The following CKAP5 variants were observed in gnomAD, a reference collection of about 807,000 sequenced individuals.
The protein encoded by CKAP5 is cytoskeleton associated protein 5, also known as cytoskeleton-associated protein 5.
Under a neutral mutation model 232.8 loss-of-function variants are expected in CKAP5, and 27 were observed. The ratio of observed to expected loss-of-function variants is 0.12; its 90% CI spans 0.09 to 0.16. CKAP5 has a LOEUF of 0.16. CKAP5 is among the 10% of genes least tolerant of loss of function. The pLI, the probability that CKAP5 is intolerant of heterozygous loss-of-function variation, is 1.00. For missense variants in CKAP5, 1,838 were observed against 2,424.7 expected, an observed-to-expected ratio of 0.76 and a Z score of 5.08; for synonymous variants, 785 against 841.1, an observed-to-expected ratio of 0.93 and a Z score of 1.16.
intron 42 of CKAP5, among the ~76,000 whole-genome samples, chr11:46,746,181 C>T (rs888143097): frequency 1.3e-5 from 2 of 152,106 alleles, no homozygotes; most frequent in Non-Finnish European, 2.9e-5. Context: ...TCACTAAACT[C>T]GGAAAGAACT....
rs1938868593 is a variant in CKAP5 at position 46,796,153 on chromosome 11, A to C, written c.1468-377T>G. ...GCACTCCAGCCTGGGTGACAGAGTG[A>C]GATTCATTGCCAAAAAAAAAAAAAA... On this transcript the variant is annotated intron_variant, in intron 12 of 43. Coordinates refer to ENST00000529230, the MANE Select transcript of CKAP5 (RefSeq NM_001008938.4). Among the ~76,000 whole-genome samples, 3 of 119,130 alleles carry C rather than the reference A, an allele frequency of 2.5e-5. No individual in the cohort carries two copies. The South Asian group carries it at 1.0e-3, about 41-fold the overall frequency. 78.2% of individuals were successfully genotyped at this position (119,130 alleles called of 152,430 possible).
At chr11:46,814,131 C>CAAAA (rs60142188) in intron 4 of CKAP5, among the ~76,000 whole-genome samples, 1 of 81,266 alleles carries the variant, frequency 1.2e-5, no homozygotes, top group African/African-American at 5.0e-5. Flanking sequence ...GACCTTGTCT[C>CAAAA]AAAAAAAAAA....
At chr11:46,782,688 T>C (rs2065354497) in intron 18 of CKAP5, among the ~76,000 whole-genome samples, 1 of 152,234 alleles carries the variant, frequency 6.6e-6, no homozygotes. Flanking sequence ...CCAAATTACT[T>C]AAACTTTCTG....
chr11:46,766,727 A>C (rs2065205432), intron 27 of CKAP5, among the ~76,000 whole-genome samples: 1 of 152,220 alleles, frequency 6.6e-6, no homozygotes, highest in African/African-American at 2.4e-5. Context: ...ATCTTGATAG[A>C]GATAATGACA....
At chr11:46,803,827 A>G (rs1939091968) in intron 8 of CKAP5, among the ~76,000 whole-genome samples, 1 of 152,166 alleles carries the variant, frequency 6.6e-6, no homozygotes, top group African/African-American at 2.4e-5. Flanking sequence ...TCATTTCTGT[A>G]TTGAAATCAC....
chr11:46,776,697 T>G (rs1431151537), intron 23 of CKAP5, among the ~76,000 whole-genome samples: 1 of 152,170 alleles, frequency 6.6e-6, no homozygotes, highest in Non-Finnish European at 1.5e-5. Flanking sequence ...GTTGGGGGCA[T>G]TTACGTCCAT....
At chr11:46,748,019 G>A (rs572608321) in intron 42 of CKAP5, among the ~76,000 whole-genome samples, 2 of 152,270 alleles carry the variant, frequency 1.3e-5, no homozygotes, top group African/African-American at 4.8e-5. Context: ...ACTCCAGCCT[G>A]AGTGAGAGAG....
intron 20 of CKAP5, among the ~76,000 whole-genome samples, chr11:46,779,429 G>A (rs572869765): frequency 2.8e-4 from 42 of 152,176 alleles, no homozygotes; most frequent in African/African-American, 3.9e-4. Flanking sequence ...CACCAAGCCC[G>A]GCCAAAATCA....
intron 13 of CKAP5, among the ~76,000 whole-genome samples, chr11:46,791,857 T>C (rs1365002561): frequency 6.6e-6 from 1 of 152,216 alleles, no homozygotes; most frequent in Non-Finnish European, 1.5e-5. Flanking sequence ...ATATTTGTTA[T>C]GAAATGCCCC....
At chr11:46,759,540 T>A (rs2134586638) in intron 33 of CKAP5, 98 bp from the exon 34 acceptor site, 1 of 1,245,886 alleles carries the variant, frequency 8.0e-7, no homozygotes, top group East Asian at 2.4e-5. Flanking sequence ...AGGACAGATG[T>A]TCAACTTCTG....
intron 16 of CKAP5, among the ~76,000 whole-genome samples, chr11:46,785,147 T>G (rs567328955): frequency 6.6e-6 from 1 of 152,314 alleles, no homozygotes; most frequent in East Asian, 1.9e-4. Context: ...CTTTTAAGTA[T>G]AAGAATAAAA....
At chr11:46,751,697 T>A (rs956453657) in intron 38 of CKAP5, among the ~76,000 whole-genome samples, 163 bp from the exon 39 acceptor site, 5 of 152,132 alleles carry the variant, frequency 3.3e-5, no homozygotes, top group African/African-American at 1.2e-4. Flanking sequence ...TGAAAATTTT[T>A]AATCACTTCT....
rs11038995 is a variant in CKAP5 at position 46,799,570 on chromosome 11, T to C, written c.1084-1398A>G. 8.1e-3 allele frequency among the ~76,000 whole-genome samples: 1,237 copies of C among 152,250 alleles called. 131 individuals are homozygous for C. In the East Asian group the frequency reaches 0.2, roughly 24 times the overall value. ...ATACTAAACACCGCATATATTACAGTATTAAGGTGGGGGAGACCCCAAACT... is the reference window on the plus strand; with the variant it reads ...ATACTAAACACCGCATATATTACAGCATTAAGGTGGGGGAGACCCCAAACT... On this transcript the variant is annotated intron_variant, in intron 9 of 43. Transcript: ENST00000529230.
At chr11:46,753,053 T>C in intron 37 of CKAP5, 2 of 447,096 alleles carry the variant, frequency 4.5e-6, no homozygotes, top group African/African-American at 4.0e-5. Flanking sequence ...AACTAAGTAT[T>C]TACTAGTTTT....
chr11:46,835,806 A>AT (rs1405526358), intron 1 of CKAP5, among the ~76,000 whole-genome samples: 1 of 152,180 alleles, frequency 6.6e-6, no homozygotes, highest in African/African-American at 2.4e-5. Flanking sequence ...CTGGCTACTC[A>AT]TTTTCATAAG....
Position 46,761,987 on chromosome 11 carries a change from A to G in CKAP5, c.4221+13T>C. On this transcript the variant is annotated intron_variant, in intron 32 of 43. Coordinates refer to ENST00000529230, the MANE Select transcript of CKAP5 (RefSeq NM_001008938.4). ...TTCACGACATGCTGACAGTGTTCAG[A>G]GAAGTCACTCACATTTCCAATCAGT... 1 of 1,599,030 alleles carries G rather than the reference A, an allele frequency of 6.3e-7. No individual in the cohort carries two copies. Among genetic ancestry groups the G allele is most frequent in the South Asian group, 1.1e-5 (1 of 90,122 alleles).
intron 3 of CKAP5, 73 bp from the exon 4 acceptor site, chr11:46,816,477 G>T: frequency 1.9e-6 from 2 of 1,064,588 alleles, no homozygotes; most frequent in Non-Finnish European, 2.8e-6. Flanking sequence ...GAAAGGGGGT[G>T]TACTAGTACT....
In CKAP5 at chr11:46,809,844, G is replaced by A. The variant is rs1178502342; in HGVS notation, c.661C>T (p.Leu221=). 6.2e-7 allele frequency: 1 copy of A among 1,611,298 alleles called. No individual in the cohort carries two copies. Among genetic ancestry groups the A allele is most frequent in the African/African-American group, 1.3e-5 (1 of 74,824 alleles). Residue 221 remains leucine (L), a synonymous_variant, in exon 6 of 44, where the codon CTG becomes TTG. Coordinates refer to ENST00000529230, the MANE Select transcript of CKAP5 (RefSeq NM_001008938.4). ...GTAGGTCTAGGAGCACTTGTTGGCA[G>A]TTTGACCCATTCTTCTTCTAGTTCT... ...LKELEEEWVK[L]PTSAPRPTRF...
chr11:46,802,758 T>G (rs1939064404), intron 8 of CKAP5, among the ~76,000 whole-genome samples: 1 of 152,176 alleles, frequency 6.6e-6, no homozygotes, highest in Admixed American at 6.5e-5. Context: ...TATTCTAGAT[T>G]CTCTGCATTA....
Sources: allele counts gnomAD v4.1 joint callset (sites outside exome capture counted in the v4.1 genomes callset), GRCh38; gene constraint gnomAD v4.1.1; transcripts MANE v1.5; gene names NCBI Gene and HGNC (gene_info 2026-07-23, HGNC 2026-07-21).